The following SCAPER variants were observed in gnomAD, a reference collection of about 807,000 sequenced individuals.
SCAPER encodes the protein S phase cyclin A-associated protein in the endoplasmic reticulum.
In SCAPER, 98 loss-of-function variants were observed where a neutral mutation model predicts 182.2. The ratio of observed to expected loss-of-function variants is 0.54; its 90% CI spans 0.46 to 0.64. The LOEUF (loss-of-function observed/expected upper bound fraction) is 0.64, where lower values mean the gene tolerates loss of function less well. Among genes scored for constraint, SCAPER ranks in the 30% least tolerant of loss-of-function variants. The pLI is 0.00. For missense variants in SCAPER, 1,432 were observed against 1,690.0 expected (o/e 0.85, Z 2.68); for synonymous variants, 605 against 564.6 (o/e 1.07, Z -1.01).
At chr15:76,686,753 A>G (rs1393391522) in intron 20 of SCAPER, among the ~76,000 whole-genome samples, 1 of 152,168 alleles carries the variant, frequency 6.6e-6, no homozygotes, top group Non-Finnish European at 1.5e-5. Context: ...TTGGATGAAT[A>G]TAAGCATTAT....
intron 21 of SCAPER, among the ~76,000 whole-genome samples, chr15:76,645,291 A>T (rs1245832172): frequency 6.6e-6 from 1 of 152,048 alleles, no homozygotes; most frequent in Non-Finnish European, 1.5e-5. Flanking sequence ...TGATTTATCC[A>T]TTTTCACCTG....
intron 15 of SCAPER, among the ~76,000 whole-genome samples, chr15:76,750,495 A>G (rs547630626): frequency 7.9e-5 from 12 of 152,004 alleles, no homozygotes; most frequent in African/African-American, 2.9e-4. Flanking sequence ...ACTATAGACC[A>G]ATATCCTTTA....
At chr15:76,877,857 A>G (rs772492123) in intron 2 of SCAPER, among the ~76,000 whole-genome samples, 1 of 152,222 alleles carries the variant, frequency 6.6e-6, no homozygotes, top group Non-Finnish European at 1.5e-5. Flanking sequence ...CAAATTTTGA[A>G]TATCTACTGT....
intron 15 of SCAPER, among the ~76,000 whole-genome samples, chr15:76,737,940 C>T (rs1207995796): frequency 6.6e-6 from 1 of 152,184 alleles, no homozygotes; most frequent in African/African-American, 2.4e-5. Flanking sequence ...TAGGCTTTGG[C>T]TTAACGGAAT....
At chr15:76,834,280 A>C (rs2068747518) in intron 5 of SCAPER, among the ~76,000 whole-genome samples, 1 of 152,240 alleles carries the variant, frequency 6.6e-6, no homozygotes, top group Non-Finnish European at 1.5e-5. Flanking sequence ...GATAGAAATC[A>C]AAAAATTCTT....
chr15:76,367,756 T>A (rs1380419426), intron 29 of SCAPER, among the ~76,000 whole-genome samples: 4 of 152,160 alleles, frequency 2.6e-5, no homozygotes, highest in Admixed American at 2.6e-4. Flanking sequence ...TATCTTTTAT[T>A]TGGATTCTGT....
rs576724222 is a variant in SCAPER at position 76,558,651 on chromosome 15, G to A, written c.2838+15507C>T. Among the ~76,000 whole-genome samples the A allele has an allele frequency of 3.3e-5, 5 of 152,226 alleles. No homozygotes were observed. The South Asian group carries it at 1.0e-3, about 32-fold the overall frequency. ...AGAGAACTTAGAACTACCATTTGAC[G>A]CAGAAATCCCATTATTGGGTGTATT... On this transcript the variant is annotated intron_variant, in intron 23 of 31. Transcript: ENST00000563290.
At chr15:76,510,475 C>A (rs1315154500) in intron 23 of SCAPER, among the ~76,000 whole-genome samples, 1 of 151,978 alleles carries the variant, frequency 6.6e-6, no homozygotes. Context: ...ATACAAATGG[C>A]CAATAAACAT....
At chr15:76,491,622 A>G (rs112416634) in intron 24 of SCAPER, among the ~76,000 whole-genome samples, 1 of 151,970 alleles carries the variant, frequency 6.6e-6, no homozygotes, top group African/African-American at 2.4e-5. Flanking sequence ...ACTTGGTATT[A>G]CTGGTTTTGT....
intron 1 of SCAPER, among the ~76,000 whole-genome samples, chr15:76,891,616 A>G (rs748374533): frequency 6.6e-5 from 10 of 152,234 alleles, no homozygotes; most frequent in Non-Finnish European, 1.2e-4. Flanking sequence ...GGGATTTTGA[A>G]GAACCTCTTC....
intron 23 of SCAPER, among the ~76,000 whole-genome samples, chr15:76,536,887 A>G (rs988215744): frequency 3.3e-5 from 5 of 151,856 alleles, no homozygotes; most frequent in African/African-American, 9.7e-5. Flanking sequence ...TACAAAATCA[A>G]TGTACAAAAA....
chr15:76,757,238 C>T (rs1403172865), intron 14 of SCAPER, among the ~76,000 whole-genome samples: 1 of 152,144 alleles, frequency 6.6e-6, no homozygotes, highest in Non-Finnish European at 1.5e-5. Flanking sequence ...ATTAATCTTG[C>T]ATAAGTCAAA....
chr15:76,520,762 T>C (rs532161800), intron 23 of SCAPER, among the ~76,000 whole-genome samples: 4 of 152,216 alleles, frequency 2.6e-5, no homozygotes, highest in Admixed American at 6.5e-5. Flanking sequence ...AGTTGGCTTA[T>C]GATTATATAA....
intron 2 of SCAPER, among the ~76,000 whole-genome samples, chr15:76,875,883 C>T (rs1000907926): frequency 6.6e-6 from 1 of 152,162 alleles, no homozygotes; most frequent in African/African-American, 2.4e-5. Context: ...GGGGGCGGCG[C>T]TGGTCGAGGA....
intron 22 of SCAPER, among the ~76,000 whole-genome samples, chr15:76,609,072 T>TAC (rs1339750482): frequency 6.6e-6 from 1 of 151,638 alleles, no homozygotes; most frequent in Non-Finnish European, 1.5e-5. Context: ...ATGAACCCGG[T>TAC]ACCTCAGTTG....
At chr15:76,453,155 C>T (rs897375995) in intron 25 of SCAPER, among the ~76,000 whole-genome samples, 1 of 152,158 alleles carries the variant, frequency 6.6e-6, no homozygotes, top group Non-Finnish European at 1.5e-5. Flanking sequence ...TTTCCCTGAA[C>T]CTTGTGAGGA....
rs574012447 is a variant in SCAPER at position 76,688,020 on chromosome 15, T to C, written c.2508+13738A>G. On this transcript the variant is annotated intron_variant, in intron 20 of 31. Transcript: ENST00000563290. Reference sequence around the variant, plus strand: ...AGACCCTTGAGGAATCGCCACACTGTCTTCTGCAATGGTTGAACTAATTTA... The same window carrying C: ...AGACCCTTGAGGAATCGCCACACTGCCTTCTGCAATGGTTGAACTAATTTA... Among the ~76,000 whole-genome samples, 4 of 152,328 alleles carry C rather than the reference T, an allele frequency of 2.6e-5. No homozygotes were observed. The South Asian group carries it at 6.2e-4, about 24-fold the overall frequency.
chr15:76,444,211 ACTT>A (rs2047829516), intron 25 of SCAPER, among the ~76,000 whole-genome samples: 1 of 152,030 alleles, frequency 6.6e-6, no homozygotes, highest in Non-Finnish European at 1.5e-5. Flanking sequence ...TCTCCTTCTG[ACTT>A]CTTGTTTCCT....
At chr15:76,701,095 TA>T (rs5813845) in intron 20 of SCAPER, among the ~76,000 whole-genome samples, 12 of 143,642 alleles carry the variant, frequency 8.4e-5, no homozygotes, top group East Asian at 2.0e-4. Context: ...ATGCCATACC[TA>T]AAAAAAAAAA....
Sources: gnomAD v4.1 joint callset for allele counts (sites outside exome capture counted in the v4.1 genomes callset) on GRCh38, gnomAD v4.1.1 for gene constraint, MANE v1.5 for transcripts, NCBI Gene and HGNC (gene_info 2026-07-23, HGNC 2026-07-21) for gene names.